ABLIM1: variants seen among roughly 807,000 people sequenced by gnomAD.
ABLIM1 encodes the protein actin binding LIM protein 1, also known as actin-binding LIM protein 1.
ABLIM1 carries 40 observed loss-of-function variants against 107.0 expected under a neutral mutation model. That is an observed-to-expected ratio of 0.37 (90% CI 0.29 to 0.49). The LOEUF (loss-of-function observed/expected upper bound fraction) is 0.49. Ranked by LOEUF, ABLIM1 falls within the 20% of genes least tolerant of loss-of-function variation. The pLI is 0.97. For missense variants in ABLIM1, 857 were observed against 1,008.5 expected, an observed-to-expected ratio of 0.85 and a Z score of 2.04; for synonymous variants, 357 against 357.3, an observed-to-expected ratio of 1.00 and a Z score of 0.01.
chr10:114,783,634 T>A, the ABLIM1 span, among the ~76,000 whole-genome samples: 1 of 151,462 alleles, frequency 6.6e-6, no homozygotes, highest in Non-Finnish European at 1.5e-5. Context: ...TGGTATTGAA[T>A]AAACAACAAA....
intron 10 of ABLIM1, among the ~76,000 whole-genome samples, chr10:114,472,078 C>T (rs950769129): frequency 6.6e-6 from 1 of 151,980 alleles, no homozygotes; most frequent in Non-Finnish European, 1.5e-5. Flanking sequence ...TAACGAGCCC[C>T]AAGAGGACAG....
At chr10:114,706,693 G>GT (rs2081429249) in intron 1 of ABLIM1, among the ~76,000 whole-genome samples, 1 of 152,216 alleles carries the variant, frequency 6.6e-6, no homozygotes, top group African/African-American at 2.4e-5. Flanking sequence ...TGGAAGCAGG[G>GT]TTACAAGAGA....
chr10:114,686,412 CTGAGGCAGGAGGA>C (rs1430004852), upstream of ABLIM1, among the ~76,000 whole-genome samples: 1 of 151,766 alleles, frequency 6.6e-6, no homozygotes, highest in East Asian at 1.9e-4. Flanking sequence ...ACTCAGGAGG[CTGAGGCAGGAGGA>C]TTGCTTGAGC....
At chr10:114,451,725 G>C in intron 13 of ABLIM1, 54 bp from the exon 14 acceptor site, 5 of 1,455,588 alleles carry the variant, frequency 3.4e-6, no homozygotes, top group Non-Finnish European at 4.7e-6. Context: ...TCAGCGATGG[G>C]AAAAACAGAT....
At chr10:114,491,953 T>A in intron 6 of ABLIM1, 75 bp from the exon 7 acceptor site, 1 of 1,228,712 alleles carries the variant, frequency 8.1e-7, no homozygotes, top group Non-Finnish European at 1.2e-6. Context: ...GACTTGATGA[T>A]TTAGAAGAAA....
Position 114,601,667 on chromosome 10 carries a change from A to G in ABLIM1, c.379+160T>C, listed in dbSNP as rs765297107. 1.0e-5 allele frequency: 12 copies of G among 1,186,356 alleles called. No individual in the cohort carries two copies. In the East Asian group the frequency reaches 2.3e-4, roughly 23 times the overall value. 73.5% of individuals were successfully genotyped at this position (1,186,356 alleles called of 1,614,324 possible). On this transcript the variant is annotated intron_variant, in intron 2 of 22. Coordinates refer to ENST00000533213, the MANE Select transcript of ABLIM1 (RefSeq NM_002313.7). ...TTAGCAGGACTCGTTCTCGCCCTAG[A>G]GTCTAACTGAATCCCAAACTGGCAG...
At chr10:114,552,442 A>G (rs1189319357) in intron 4 of ABLIM1, among the ~76,000 whole-genome samples, 1 of 151,570 alleles carries the variant, frequency 6.6e-6, no homozygotes, top group East Asian at 1.9e-4. Context: ...AATAAAACCC[A>G]TGAGGAACTT....
At chr10:114,541,870 C>T (rs530475258) in intron 6 of ABLIM1, among the ~76,000 whole-genome samples, 36 of 152,088 alleles carry the variant, frequency 2.4e-4, no homozygotes, top group Non-Finnish European at 5.0e-4. Flanking sequence ...TTCTTCCCCA[C>T]AGCTGTTGAG....
intron 22 of ABLIM1, 74 bp from the exon 23 acceptor site, chr10:114,436,447 A>G (rs2059404792): frequency 8.8e-7 from 1 of 1,130,088 alleles, no homozygotes; most frequent in South Asian, 1.3e-5. Flanking sequence ...GCGTTGCTCT[A>G]TAGTTTATAC....
chr10:114,487,332 C>T (rs1463790250), intron 8 of ABLIM1, among the ~76,000 whole-genome samples: 1 of 152,118 alleles, frequency 6.6e-6, no homozygotes, highest in African/African-American at 2.4e-5. Flanking sequence ...CTTCCTAGCC[C>T]GTGTGAAAAA....
chr10:114,510,710 A>G (rs2061732967), intron 6 of ABLIM1, among the ~76,000 whole-genome samples: 1 of 151,554 alleles, frequency 6.6e-6, no homozygotes, highest in Non-Finnish European at 1.5e-5. Context: ...GAATGCAGTG[A>G]TGCGATCTTG....
Position 114,466,288 on chromosome 10 carries a change from C to G in ABLIM1, c.1312-461G>C, listed in dbSNP as rs147920344. ...TTGTGCCAGTGCACTCCAGCCTGGA[C>G]GACAGAGTGAGACACTGTTTCTTTA... On this transcript the variant is annotated intron_variant, in intron 11 of 22. Transcript: ENST00000533213. Among the ~76,000 whole-genome samples, 360 of 151,694 alleles carry G rather than the reference C, an allele frequency of 2.4e-3. 2 individuals carry two copies. Among genetic ancestry groups the G allele is most frequent in the Non-Finnish European group, 4.0e-3 (270 of 67,970 alleles).
intron 1 of ABLIM1, among the ~76,000 whole-genome samples, chr10:114,756,601 C>T (rs1426478977): frequency 1.3e-5 from 2 of 152,000 alleles, no homozygotes; most frequent in African/African-American, 4.8e-5. Flanking sequence ...TAAAATTTTT[C>T]CTCATATTGT....
chr10:114,506,927 C>T (rs116191295), intron 6 of ABLIM1, among the ~76,000 whole-genome samples: 141 of 152,238 alleles, frequency 9.3e-4, no homozygotes, highest in African/African-American at 3.2e-3. Flanking sequence ...GGGTAGGAAC[C>T]GGTGCTCTGT....
intron 8 of ABLIM1, among the ~76,000 whole-genome samples, chr10:114,476,132 G>C (rs765529320): frequency 6.6e-6 from 1 of 152,118 alleles, no homozygotes; most frequent in Non-Finnish European, 1.5e-5. Context: ...CAATGCCCCT[G>C]GTATCTTTGA....
chr10:114,446,384 T>C (rs567810408), intron 15 of ABLIM1, among the ~76,000 whole-genome samples: 4 of 152,326 alleles, frequency 2.6e-5, no homozygotes, highest in African/African-American at 7.2e-5. Flanking sequence ...TGGAACAATA[T>C]AGTAAATTGT....
At chr10:114,750,017 A>T (rs558766400) in intron 1 of ABLIM1, among the ~76,000 whole-genome samples, 1 of 151,660 alleles carries the variant, frequency 6.6e-6, no homozygotes, top group African/African-American at 2.4e-5. Flanking sequence ...ACTGTTACAT[A>T]AATAAAATAA....
intron 1 of ABLIM1, among the ~76,000 whole-genome samples, chr10:114,714,687 T>G (rs2081622590): frequency 6.6e-6 from 1 of 152,050 alleles, no homozygotes; most frequent in Non-Finnish European, 1.5e-5. Context: ...CTCAGAAGGG[T>G]TGGTTTGGCT....
chr10:114,496,644 T>C (rs1334511057), intron 6 of ABLIM1, among the ~76,000 whole-genome samples: 1 of 152,110 alleles, frequency 6.6e-6, no homozygotes, highest in Non-Finnish European at 1.5e-5. Flanking sequence ...ACATGTACTA[T>C]GGAACTTAAA....
Sources: allele counts gnomAD v4.1 joint callset (sites outside exome capture counted in the v4.1 genomes callset), GRCh38; gene constraint gnomAD v4.1.1; transcripts MANE v1.5; gene names NCBI Gene and HGNC (gene_info 2026-07-23, HGNC 2026-07-21).